C6: variants seen among roughly 807,000 people sequenced by gnomAD.
C6 encodes complement component C6.
A neutral mutation model predicts 112.9 loss-of-function variants in C6; 101 were observed. The observed-to-expected ratio is 0.89, with a 90% CI of 0.76 to 1.06. The LOEUF is 1.06. Among genes scored for constraint, C6 ranks in the 50% least tolerant of loss-of-function variants. C6 has a pLI of 0.00. For synonymous variants in C6, 431 were observed against 384.1 expected, an observed-to-expected ratio of 1.12 and a Z score of -1.43; for missense variants, 1,202 against 1,104.6, an observed-to-expected ratio of 1.09 and a Z score of -1.25.
At chr5:41,197,808 A>G (rs768144332) in intron 4 of C6, among the ~76,000 whole-genome samples, 1 of 152,154 alleles carries the variant, frequency 6.6e-6, no homozygotes, top group Non-Finnish European at 1.5e-5. Context: ...AATAGAAAGC[A>G]TAAGGGGAGA....
At chr5:41,143,888 T>C (rs1396380526) in intron 17 of C6, among the ~76,000 whole-genome samples, 1 of 152,240 alleles carries the variant, frequency 6.6e-6, no homozygotes, top group East Asian at 1.9e-4. Context: ...CTTATGTTCA[T>C]GAAATAGGTT....
Position 41,258,561 on chromosome 5 carries a change from A to T in C6, c.-21+2633T>A, listed in dbSNP as rs146406332. 4.7e-3 allele frequency among the ~76,000 whole-genome samples: 721 copies of T among 152,358 alleles called. 5 individuals are homozygous for T. Among genetic ancestry groups the T allele is most frequent in the African/African-American group, 0.015 (631 of 41,586 alleles). ...TTTTGATGCTGTTTGAGTCCAAAAA[A>T]TATTTTTGAAAGCTTCAAAGAATTT... On this transcript the variant is annotated intron_variant, in intron 1 of 17. Coordinates refer to the C6 transcript ENST00000263413.
chr5:41,155,160 T>C (rs2150248277), intron 13 of C6, 56 bp from the exon 14 acceptor site: 2 of 1,506,406 alleles, frequency 1.3e-6, no homozygotes, highest in African/African-American at 1.4e-5. Flanking sequence ...CTCTCTAAAC[T>C]CTTTAGTCTC....
At chr5:41,225,259 C>T (rs36186595) in intron 1 of C6, among the ~76,000 whole-genome samples, 32,251 of 151,938 alleles carry the variant, frequency 0.21, 4,225 homozygotes, top group Non-Finnish European at 0.29. Context: ...CGTTCCCCTT[C>T]CTGTGTCCAT....
chr5:41,239,757 G>A lies in C6; in HGVS notation c.-21+21437C>T, dbSNP rs115448232. 5.9e-3 allele frequency among the ~76,000 whole-genome samples: 904 copies of A among 152,176 alleles called. 3 individuals are homozygous for A. The highest frequency in any genetic ancestry group is 0.018 in the African/African-American group (750 of 41,520). On this transcript the variant is annotated intron_variant, in intron 1 of 17. Transcript: ENST00000263413. ...GCAGATATCTTCCTTTCACTTCTGGGTGTTGGACTCCCTGAAGCATATCTT... is the reference window on the plus strand; with the variant it reads ...GCAGATATCTTCCTTTCACTTCTGGATGTTGGACTCCCTGAAGCATATCTT...
intron 1 of C6, among the ~76,000 whole-genome samples, chr5:41,251,829 G>C (rs1741382052): frequency 6.6e-6 from 1 of 152,156 alleles, no homozygotes; most frequent in African/African-American, 2.4e-5. Context: ...CTGCATCAAG[G>C]CTGGGTATAT....
intron 1 of C6, among the ~76,000 whole-genome samples, chr5:41,260,448 A>ACCC (rs61132411): frequency 1.9e-4 from 27 of 144,642 alleles, no homozygotes; most frequent in South Asian, 4.4e-4. Context: ...AAACAAATAA[A>ACCC]CCCCCCCCCA....
At chr5:41,246,815 T>C (rs547285379) in intron 1 of C6, among the ~76,000 whole-genome samples, 1 of 152,298 alleles carries the variant, frequency 6.6e-6, no homozygotes, top group East Asian at 1.9e-4. Context: ...ATGATGACTG[T>C]ATGTTTGAGC....
chr5:41,243,938 C>G (rs965533254), intron 1 of C6, among the ~76,000 whole-genome samples: 14 of 152,170 alleles, frequency 9.2e-5, no homozygotes, highest in African/African-American at 3.4e-4. Flanking sequence ...TTTGCCTACA[C>G]TAAAAACCAA....
intron 9 of C6, among the ~76,000 whole-genome samples, chr5:41,165,798 AGATTAAACTCTTGATGTT>A (rs1442481832): frequency 1.3e-5 from 2 of 152,160 alleles, no homozygotes; most frequent in Non-Finnish European, 2.9e-5. Flanking sequence ...ACAAGAAGAA[AGATTAAACTCTTGATGTT>A]GATTACATAG....
chr5:41,207,257 C>G (rs549340615), intron 1 of C6, among the ~76,000 whole-genome samples: 1 of 152,306 alleles, frequency 6.6e-6, no homozygotes, highest in South Asian at 2.1e-4. Context: ...AAACTGGTAC[C>G]AGCCACTGCA....
chr5:41,208,515 A>C (rs1258917134), intron 1 of C6, among the ~76,000 whole-genome samples: 1 of 152,096 alleles, frequency 6.6e-6, no homozygotes, highest in Non-Finnish European at 1.5e-5. Context: ...TGAAATAGAC[A>C]CAATAAAAAA....
intron 1 of C6, among the ~76,000 whole-genome samples, chr5:41,229,708 T>C (rs1739765838): frequency 6.6e-6 from 1 of 152,206 alleles, no homozygotes; most frequent in African/African-American, 2.4e-5. Context: ...TCTGTAGTGT[T>C]ATTCAAATCT....
At chr5:41,213,952 T>C (rs915464966), upstream of C6, among the ~76,000 whole-genome samples, 1 of 152,186 alleles carries the variant, frequency 6.6e-6, no homozygotes, top group Non-Finnish European at 1.5e-5. Flanking sequence ...AGTGTTTCTA[T>C]ATGCCAGCAA....
intron 1 of C6, among the ~76,000 whole-genome samples, chr5:41,211,299 A>C (rs1751903984): frequency 7.2e-6 from 1 of 138,982 alleles, no homozygotes; most frequent in Admixed American, 7.5e-5. Flanking sequence ...ATGACGAGTT[A>C]ATGGGTGCAG....
chr5:41,247,719 GAA>G (rs376007818), intron 1 of C6, among the ~76,000 whole-genome samples: 4 of 74,152 alleles, frequency 5.4e-5, no homozygotes, highest in East Asian at 4.5e-4. Context: ...CTCCATCTCA[GAA>G]AAAAAAAAAA....
chr5:41,220,176 A>G (rs1056964048), intron 1 of C6, among the ~76,000 whole-genome samples: 2 of 152,172 alleles, frequency 1.3e-5, no homozygotes, highest in Admixed American at 1.3e-4. Context: ...TGTTTTTCAA[A>G]CACTTGCAAA....
intron 1 of C6, among the ~76,000 whole-genome samples, chr5:41,242,526 T>C (rs1740783024): frequency 1.3e-5 from 2 of 152,314 alleles, no homozygotes; most frequent in South Asian, 4.1e-4. Flanking sequence ...ATCTGAGTTC[T>C]AGCAAAAGTT....
At chr5:41,226,365 CT>C (rs1739501799) in intron 1 of C6, among the ~76,000 whole-genome samples, 1 of 152,154 alleles carries the variant, frequency 6.6e-6, no homozygotes, top group Non-Finnish European at 1.5e-5. Flanking sequence ...CTCATCATCA[CT>C]GGCCATCAGA....
Sources: gnomAD v4.1 joint callset for allele counts (sites outside exome capture counted in the v4.1 genomes callset) on GRCh38, gnomAD v4.1.1 for gene constraint, MANE v1.5 for transcripts, NCBI Gene and HGNC (gene_info 2026-07-23, HGNC 2026-07-21) for gene names.